The following VRK2 variants were observed in gnomAD, a reference collection of about 807,000 sequenced individuals.
The protein encoded by VRK2 is VRK serine/threonine kinase 2.
VRK2 carries 60 observed loss-of-function variants against 57.6 expected under a neutral mutation model. The observed-to-expected ratio is 1.04, with a 90% CI of 0.85 to 1.29. The LOEUF (loss-of-function observed/expected upper bound fraction) is 1.29, where lower values mean the gene tolerates loss of function less well. VRK2 is among the 50% of genes most tolerant of loss of function. VRK2 has a pLI of 0.00. For synonymous variants in VRK2, 231 were observed against 199.2 expected, an observed-to-expected ratio of 1.16 and a Z score of -1.35; for missense variants, 705 against 588.1, an observed-to-expected ratio of 1.20 and a Z score of -2.06.
At chr2:58,133,161 T>C (rs1679463478) in intron 9 of VRK2, among the ~76,000 whole-genome samples, 1 of 152,146 alleles carries the variant, frequency 6.6e-6, no homozygotes, top group Non-Finnish European at 1.5e-5. Context: ...GCTTTAACTT[T>C]TTATCAATAT....
intron 1 of VRK2, among the ~76,000 whole-genome samples, chr2:58,019,324 G>A (rs907351029): frequency 3.3e-5 from 5 of 151,926 alleles, no homozygotes; most frequent in African/African-American, 7.3e-5. Context: ...AAGTATATCC[G>A]CTTTTTTTTA....
intron 1 of VRK2, among the ~76,000 whole-genome samples, chr2:57,964,075 A>T (rs1017394978): frequency 1.3e-5 from 2 of 152,164 alleles, no homozygotes; most frequent in Admixed American, 1.3e-4. Flanking sequence ...AACAAAGATG[A>T]GGGTTAGGGA....
intron 7 of VRK2, among the ~76,000 whole-genome samples, chr2:58,094,828 T>C (rs1156700329): frequency 6.6e-6 from 1 of 152,204 alleles, no homozygotes; most frequent in Non-Finnish European, 1.5e-5. Context: ...ATCACACTGA[T>C]TTGTCTATTT....
chr2:58,045,029 T>C (rs895969533), upstream of VRK2, among the ~76,000 whole-genome samples: 2 of 152,204 alleles, frequency 1.3e-5, no homozygotes, highest in African/African-American at 2.4e-5. Context: ...TGACTGTCAA[T>C]AGTGCCCAGG....
At chr2:58,121,793 G>T (rs1295802319) in intron 7 of VRK2, among the ~76,000 whole-genome samples, 2 of 152,146 alleles carry the variant, frequency 1.3e-5, no homozygotes, top group East Asian at 1.9e-4. Context: ...AAAGAAATGT[G>T]TATGAAATGA....
chr2:58,103,234 C>T (rs912115830), intron 7 of VRK2, among the ~76,000 whole-genome samples: 2 of 151,122 alleles, frequency 1.3e-5, no homozygotes, highest in African/African-American at 2.4e-5. Flanking sequence ...AAGATCAGAG[C>T]AGGACTAAGT....
intron 7 of VRK2, among the ~76,000 whole-genome samples, chr2:58,105,638 G>C (rs1558641986): frequency 6.6e-6 from 1 of 151,392 alleles, no homozygotes. Context: ...TTACATATAG[G>C]CTTTTTTTTT....
intron 1 of VRK2, among the ~76,000 whole-genome samples, chr2:57,998,498 G>A (rs1672993192): frequency 6.6e-6 from 1 of 152,106 alleles, no homozygotes; most frequent in Non-Finnish European, 1.5e-5. Flanking sequence ...CATGATGACA[G>A]GGAAACAATG....
At chr2:58,095,389 A>G (rs566447468) in intron 7 of VRK2, among the ~76,000 whole-genome samples, 2 of 151,978 alleles carry the variant, frequency 1.3e-5, no homozygotes, top group Admixed American at 1.3e-4. Flanking sequence ...TGTATGATGT[A>G]TAGATGTTCA....
chr2:57,992,387 G>C (rs1672794167), intron 1 of VRK2, among the ~76,000 whole-genome samples: 2 of 152,198 alleles, frequency 1.3e-5, no homozygotes, highest in South Asian at 4.1e-4. Flanking sequence ...AATTTGAACA[G>C]TAAGAAAGAA....
chr2:58,003,977 C>G (rs1437784763), intron 1 of VRK2, among the ~76,000 whole-genome samples: 1 of 152,056 alleles, frequency 6.6e-6, no homozygotes, highest in Non-Finnish European at 1.5e-5. Context: ...AGATAGATAC[C>G]ATTCCTAATT....
Position 58,123,193 on chromosome 2 carries a change from G to A in VRK2, c.636G>A (p.Gly212=). ...AAAATCCTAGAAAAGGCCATAATGGGACAATAGAGTTTACCAGCTTGGATG... is the reference window on the plus strand; with the variant it reads ...AAAATCCTAGAAAAGGCCATAATGGAACAATAGAGTTTACCAGCTTGGATG... ...YQENPRKGHN[G]TIEFTSLDAH... Residue 212 remains glycine, a synonymous_variant, in exon 8 of 13, where the codon GGG becomes GGA. Coordinates refer to ENST00000340157, the MANE Select transcript of VRK2 (RefSeq NM_006296.7). 1 of 1,591,638 alleles carries A rather than the reference G, an allele frequency of 6.3e-7. No individual in the cohort carries two copies.
intron 10 of VRK2, 60 bp from the exon 11 acceptor site, chr2:58,139,606 T>C (rs1321247329): frequency 3.5e-6 from 5 of 1,445,470 alleles, no homozygotes; most frequent in South Asian, 1.3e-5. Context: ...TTGAGATTAC[T>C]GGAGTCTTGA....
intron 1 of VRK2, among the ~76,000 whole-genome samples, chr2:57,996,428 T>C (rs1672924823): frequency 6.6e-6 from 1 of 152,232 alleles, no homozygotes; most frequent in African/African-American, 2.4e-5. Flanking sequence ...GGCCAATCTC[T>C]GACCAGAGCC....
At chr2:58,012,460 T>G (rs1673443224) in intron 1 of VRK2, among the ~76,000 whole-genome samples, 1 of 152,202 alleles carries the variant, frequency 6.6e-6, no homozygotes, top group Non-Finnish European at 1.5e-5. Context: ...CTAACATTAT[T>G]GTTCAAGAGG....
intron 2 of VRK2, among the ~76,000 whole-genome samples, chr2:58,078,627 G>A (rs957452368): frequency 2.0e-5 from 3 of 152,034 alleles, no homozygotes; most frequent in Admixed American, 1.3e-4. Context: ...GTGCACAAGA[G>A]TTCCAATTTC....
intron 7 of VRK2, among the ~76,000 whole-genome samples, chr2:58,113,830 G>A (rs571269484): frequency 6.6e-6 from 1 of 152,160 alleles, no homozygotes; most frequent in Non-Finnish European, 1.5e-5. Flanking sequence ...CAGGGGATGC[G>A]ACGGCTTGGC....
chr2:58,024,641 AG>A (rs1673868284), intron 1 of VRK2, among the ~76,000 whole-genome samples: 1 of 152,192 alleles, frequency 6.6e-6, no homozygotes, highest in East Asian at 1.9e-4. Flanking sequence ...ATTTCTAGCC[AG>A]CCTATCCACA....
chr2:58,066,378 T>C (rs1394734028), intron 2 of VRK2, among the ~76,000 whole-genome samples: 1 of 152,170 alleles, frequency 6.6e-6, no homozygotes, highest in Non-Finnish European at 1.5e-5. Context: ...GTAGATGACA[T>C]TGATTTTTGA....
Sources: allele counts gnomAD v4.1 joint callset (sites outside exome capture counted in the v4.1 genomes callset), GRCh38; gene constraint gnomAD v4.1.1; transcripts MANE v1.5; gene names NCBI Gene and HGNC (gene_info 2026-07-23, HGNC 2026-07-21).